FGF13: variants seen among roughly 807,000 people sequenced by gnomAD.
FGF13 encodes fibroblast growth factor 13.
A neutral mutation model predicts 19.5 loss-of-function variants in FGF13; 2 were observed. That is an observed-to-expected ratio of 0.10 (90% CI 0.04 to 0.32). FGF13 has a LOEUF of 0.32. FGF13 is among the 10% of genes least tolerant of loss of function. The pLI is 1.00. For synonymous variants in FGF13, 72 were observed against 76.9 expected, an observed-to-expected ratio of 0.94 and a Z score of 0.33; for missense variants, 113 against 192.7, an observed-to-expected ratio of 0.59 and a Z score of 2.45.
downstream of FGF13, chrX:138,857,502 G>A (rs766144999): frequency 3.1e-5 from 37 of 1,180,335 alleles, no homozygotes; most frequent in Non-Finnish European, 3.3e-5. Flanking sequence ...CGCGTCTGTC[G>A]TGCACAAACC....
intron 1 of FGF13, among the ~76,000 whole-genome samples, chrX:139,199,469 T>A (rs927662256): frequency 3.6e-5 from 4 of 112,381 alleles, no homozygotes; most frequent in African/African-American, 1.3e-4. Flanking sequence ...TGATTGTAAT[T>A]CCCAGAATAA....
intron 3 of FGF13, among the ~76,000 whole-genome samples, chrX:138,833,987 C>G (rs1190818782): frequency 9.0e-6 from 1 of 111,699 alleles, no homozygotes; most frequent in Admixed American, 9.5e-5. Context: ...CTGAACCAAC[C>G]TTGCATCCCA....
At chrX:138,672,969 G>C (rs903558648) in intron 3 of FGF13, among the ~76,000 whole-genome samples, 1 of 111,386 alleles carries the variant, frequency 9.0e-6, no homozygotes, top group Admixed American at 9.6e-5. Flanking sequence ...CCACTGTTTA[G>C]GTCAAGGAAG....
upstream of FGF13, among the ~76,000 whole-genome samples, chrX:138,743,900 A>G (rs1246382043): frequency 1.8e-5 from 2 of 111,290 alleles, no homozygotes; most frequent in African/African-American, 3.3e-5. Context: ...GGGATTCAAA[A>G]GCTTGCTTAG....
At chrX:138,766,992 G>C (rs752788857) in intron 3 of FGF13, among the ~76,000 whole-genome samples, 119 of 111,861 alleles carry the variant, frequency 1.1e-3, no homozygotes, top group Non-Finnish European at 1.9e-3. Context: ...AGGTTCCAAG[G>C]CCGGGAAAGC....
chrX:138,835,018 G>A (rs772570559), intron 3 of FGF13, among the ~76,000 whole-genome samples: 3 of 112,055 alleles, frequency 2.7e-5, no homozygotes, highest in East Asian at 5.6e-4. Flanking sequence ...TATGGTCCAA[G>A]AGGCTGTTTG....
At chrX:138,879,278 T>C (rs772992221) in intron 1 of FGF13, among the ~76,000 whole-genome samples, 16 of 111,865 alleles carry the variant, frequency 1.4e-4, no homozygotes, top group African/African-American at 5.2e-4. Context: ...CTTTATCAGA[T>C]AAACAACTCA....
intron 2 of FGF13, among the ~76,000 whole-genome samples, chrX:138,706,647 T>C (rs1319072272): frequency 3.6e-5 from 4 of 112,080 alleles, no homozygotes; most frequent in Non-Finnish European, 7.5e-5. Flanking sequence ...AAACAACTTG[T>C]ATTCTCGTTA....
At position 138,632,785 on chromosome X, in the gene FGF13, T is replaced by A; in HGVS notation, c.*65A>T. The A allele has an allele frequency of 8.7e-7, 1 of 1,145,672 alleles. No homozygotes were observed. The highest frequency in any genetic ancestry group is 3.0e-5 in the East Asian group (1 of 33,053). The allele number at this position is 1,145,672 out of a possible 1,213,427, so 94.4% of individuals were successfully genotyped here. ...TTTGAACTTTTGGGTGAAGGACTGCTAGAAGAATTCAACAGCACCTGGAGG... is the reference window on the plus strand; with the variant it reads ...TTTGAACTTTTGGGTGAAGGACTGCAAGAAGAATTCAACAGCACCTGGAGG... On this transcript the variant is annotated 3_prime_UTR_variant, in exon 5 of 5. Coordinates refer to ENST00000315930, the MANE Select transcript of FGF13 (RefSeq NM_004114.5).
chrX:139,126,389 C>T (rs773306118), intron 1 of FGF13, among the ~76,000 whole-genome samples: 3 of 111,250 alleles, frequency 2.7e-5, no homozygotes, highest in Non-Finnish European at 5.7e-5. Flanking sequence ...CCTTCCTCTC[C>T]ACCTCCACTT....
At chrX:138,984,192 G>A (rs946311467) in intron 1 of FGF13, among the ~76,000 whole-genome samples, 1 of 110,836 alleles carries the variant, frequency 9.0e-6, no homozygotes, top group African/African-American at 3.3e-5. Flanking sequence ...CAGATCACTT[G>A]AGCCCAGGAG....
At chrX:138,761,499 A>T (rs970375010) in intron 3 of FGF13, among the ~76,000 whole-genome samples, 1 of 111,490 alleles carries the variant, frequency 9.0e-6, no homozygotes, top group Non-Finnish European at 1.9e-5. Context: ...TGCCATCCAC[A>T]GGGTTAAAGC....
chrX:138,627,633 G>A lies in FGF13; in HGVS notation c.*5217C>T, dbSNP rs775771202. ...TGTGTGTGTGTGTGTGTGTGCGCGTGTGTGTGTGTGTGTGTGTGAAGTGTT... is the reference window on the plus strand; with the variant it reads ...TGTGTGTGTGTGTGTGTGTGCGCGTATGTGTGTGTGTGTGTGTGAAGTGTT... On this transcript the variant is annotated 3_prime_UTR_variant, in exon 5 of 5. Transcript: ENST00000315930. 95 of 95,759 alleles carry A rather than the reference G, an allele frequency of 9.9e-4. No homozygotes were observed. The highest frequency in any genetic ancestry group is 4.1e-3 in the African/African-American group (90 of 21,832). The allele number at this position is 95,759 out of a possible 1,213,427, so 7.9% of individuals were successfully genotyped here. A position where few individuals can be genotyped will look rare whatever the true frequency, so the allele number is the denominator to read the frequency against.
intron 1 of FGF13, among the ~76,000 whole-genome samples, chrX:139,115,444 G>A (rs751717843): frequency 5.6e-4 from 63 of 111,693 alleles, no homozygotes; most frequent in African/African-American, 1.9e-3. Flanking sequence ...AAGCCATTTT[G>A]CGTCCACATC....
intron 1 of FGF13, among the ~76,000 whole-genome samples, chrX:139,080,291 AC>A (rs1713013258): frequency 1.8e-5 from 2 of 111,826 alleles, no homozygotes; most frequent in South Asian, 7.4e-4. Context: ...TCTCTTGGTA[AC>A]ATACATGTGC....
intron 1 of FGF13, among the ~76,000 whole-genome samples, chrX:139,131,897 T>G (rs1197406819): frequency 3.6e-5 from 4 of 112,003 alleles, no homozygotes; most frequent in Non-Finnish European, 7.5e-5. Context: ...TGTTTTCTGT[T>G]TAAGCTTGCA....
intron 3 of FGF13, among the ~76,000 whole-genome samples, chrX:138,685,462 GA>G (rs202193254): frequency 1.8e-4 from 19 of 107,528 alleles, no homozygotes; most frequent in African/African-American, 5.1e-4. Context: ...TGTCATAAAT[GA>G]AAAAAAAATG....
At chrX:138,781,450 A>C (rs2090641737) in intron 3 of FGF13, among the ~76,000 whole-genome samples, 1 of 109,991 alleles carries the variant, frequency 9.1e-6, no homozygotes, top group Non-Finnish European at 1.9e-5. Flanking sequence ...AGAGAGAAGA[A>C]TCAAATAGAC....
intron 1 of FGF13, among the ~76,000 whole-genome samples, chrX:138,911,484 G>C (rs2091587618): frequency 9.0e-6 from 1 of 110,533 alleles, no homozygotes; most frequent in Non-Finnish European, 1.9e-5. Context: ...GGGAGGCAGG[G>C]AGAAGATTAG....
Sources: gnomAD v4.1 joint callset for allele counts (sites outside exome capture counted in the v4.1 genomes callset) on GRCh38, gnomAD v4.1.1 for gene constraint, MANE v1.5 for transcripts, NCBI Gene and HGNC (gene_info 2026-07-23, HGNC 2026-07-21) for gene names.